Variants in LIPJ observed in about 807,000 individuals in gnomAD.
The protein encoded by LIPJ is lipase member J.
In LIPJ, 33 loss-of-function variants were observed where a neutral mutation model predicts 39.8. The observed-to-expected ratio is 0.83, with a 90% CI of 0.63 to 1.11. The LOEUF (loss-of-function observed/expected upper bound fraction) is 1.11, where lower values mean the gene tolerates loss of function less well. LIPJ is among the 50% of genes least tolerant of loss of function. The pLI is 0.00. For synonymous variants in LIPJ, 128 were observed against 139.2 expected, an observed-to-expected ratio of 0.92 and a Z score of 0.57; for missense variants, 422 against 427.9, an observed-to-expected ratio of 0.99 and a Z score of 0.12.
chr10:88,615,599 G>C, the LIPJ span, among the ~76,000 whole-genome samples: 1 of 121,192 alleles, frequency 8.3e-6, no homozygotes, highest in Non-Finnish European at 1.6e-5. Context: ...CTGCACTCCA[G>C]CTCCAGCAAC....
intron 8 of LIPJ, among the ~76,000 whole-genome samples, chr10:88,599,649 G>GTA (rs1480424959): frequency 1.3e-5 from 2 of 149,922 alleles, no homozygotes; most frequent in African/African-American, 2.5e-5. Flanking sequence ...GTGTATGTAT[G>GTA]TATATATATA....
intron 8 of LIPJ, among the ~76,000 whole-genome samples, chr10:88,599,057 A>C (rs910785211): frequency 2.0e-5 from 3 of 148,552 alleles, no homozygotes; most frequent in Non-Finnish European, 4.5e-5. Flanking sequence ...TAAATACCTG[A>C]GAAGAATGTT....
intron 2 of LIPJ, among the ~76,000 whole-genome samples, chr10:88,590,134 G>A (rs1238845738): frequency 2.0e-5 from 3 of 151,456 alleles, no homozygotes; most frequent in Non-Finnish European, 3.0e-5. Flanking sequence ...AGTAAAATGA[G>A]TTGCTGAATG....
At chr10:88,590,744 C>G in intron 3 of LIPJ, 48 bp downstream of exon 3, 2 of 1,470,836 alleles carry the variant, frequency 1.4e-6, no homozygotes, top group Non-Finnish European at 1.9e-6. Flanking sequence ...ACAGAGAATG[C>G]TACTTTTCAA....
chr10:88,595,140 G>T (rs1851212127), intron 6 of LIPJ, among the ~76,000 whole-genome samples: 1 of 151,654 alleles, frequency 6.6e-6, no homozygotes, highest in African/African-American at 2.4e-5. Context: ...TATTATGAGT[G>T]GAAAAGATGA....
chr10:88,619,454 C>CACACACACACACAT, the LIPJ span, among the ~76,000 whole-genome samples: 1 of 8,892 alleles, frequency 1.1e-4, no homozygotes, highest in Non-Finnish European at 1.5e-4. Context: ...CCCCTCTTGC[C>CACACACACACACAT]ACACACACAC....
chr10:88,606,733 TA>T lies in LIPJ; in HGVS notation c.931del (p.Ser311ValfsTer32). 6.2e-7 allele frequency: 1 copy of T among 1,613,590 alleles called. No individual in the cohort carries two copies. Among genetic ancestry groups the T allele is most frequent in the Middle Eastern group, 1.7e-4 (1 of 6,058 alleles). ...ATGTGGCAACTGCAATTTGGAATGG[TA>T]AAAGTGACTTGTTGGCTGACCCTGA... On this transcript the variant is annotated frameshift_variant, in exon 11 of 11. Transcript: ENST00000371939. LOFTEE classifies it low-confidence loss of function (END_TRUNC).
the LIPJ span, among the ~76,000 whole-genome samples, chr10:88,613,800 A>ATATATATATATATATGTGTGTGTG: frequency 2.7e-5 from 2 of 74,170 alleles, no homozygotes; most frequent in African/African-American, 9.6e-5. Context: ...ATATATATAT[A>ATATATATATATATATGTGTGTGTG]TGTGTGTGTG....
chr10:88,583,645 A>G, upstream of LIPJ: 1 of 988,416 alleles, frequency 1.0e-6, no homozygotes, highest in South Asian at 4.6e-5. Flanking sequence ...TTTACCAGCG[A>G]TACCACGGGC....
At position 88,592,297 on chromosome 10, in the gene LIPJ, A is replaced by C. The variant is rs183999508; in HGVS notation, c.130+799A>C. 2.0e-5 allele frequency: 3 copies of C among 151,988 alleles called. No individual in the cohort carries two copies. In the East Asian group the frequency reaches 5.8e-4, roughly 29 times the overall value. The allele number at this position is 151,988 out of a possible 1,614,324, so 9.4% of individuals were successfully genotyped here. A position where few individuals can be genotyped will look rare whatever the true frequency, so the allele number is the denominator to read the frequency against. On this transcript the variant is annotated intron_variant, in intron 4 of 10. Transcript: ENST00000371939. ...CCAGTAGCAGAAAATCTTAACATAG[A>C]TTTTATATAATAATAGTAATTATCC...
At chr10:88,600,757 C>T (rs1851445405) in intron 8 of LIPJ, among the ~76,000 whole-genome samples, 1 of 151,952 alleles carries the variant, frequency 6.6e-6, no homozygotes, top group South Asian at 2.1e-4. Context: ...ACAGAATACC[C>T]AAGACTGGGT....
chr10:88,616,425 G>A, the LIPJ span, among the ~76,000 whole-genome samples: 2 of 152,230 alleles, frequency 1.3e-5, no homozygotes, highest in African/African-American at 4.8e-5. Context: ...CCATTAGGAA[G>A]CAGGCTCAAA....
the LIPJ span, among the ~76,000 whole-genome samples, chr10:88,622,096 C>A: frequency 6.6e-6 from 1 of 152,130 alleles, no homozygotes; most frequent in Non-Finnish European, 1.5e-5. Flanking sequence ...CTGAGCTCAC[C>A]CTTGGCTGAT....
chr10:88,605,372 C>T (rs1240008798), intron 9 of LIPJ, among the ~76,000 whole-genome samples: 2 of 152,104 alleles, frequency 1.3e-5, no homozygotes, highest in East Asian at 3.9e-4. Flanking sequence ...AAAAGAGGCC[C>T]CCCTCTGGGT....
At chr10:88,603,527 A>G (rs555607761) in intron 9 of LIPJ, among the ~76,000 whole-genome samples, 2 of 152,320 alleles carry the variant, frequency 1.3e-5, no homozygotes, top group South Asian at 4.1e-4. Context: ...ACATAGTAGA[A>G]AGAACACTTT....
intron 4 of LIPJ, 188 bp downstream of exon 4, chr10:88,591,686 A>G (rs1013418336): frequency 1.3e-5 from 5 of 391,832 alleles, no homozygotes; most frequent in Admixed American, 4.4e-5. Context: ...GGTCACAGAG[A>G]GGTTGTGATG....
At chr10:88,619,629 T>C in the LIPJ span, among the ~76,000 whole-genome samples, 1 of 152,190 alleles carries the variant, frequency 6.6e-6, no homozygotes, top group East Asian at 1.9e-4. Flanking sequence ...GGTTTTTTTT[T>C]CTATTTCTGG....
At chr10:88,613,800 A>ATATATATATATGTGTGTGTGTG in the LIPJ span, among the ~76,000 whole-genome samples, 4 of 74,170 alleles carry the variant, frequency 5.4e-5, no homozygotes, top group Admixed American at 1.7e-4. Flanking sequence ...ATATATATAT[A>ATATATATATATGTGTGTGTGTG]TGTGTGTGTG....
chr10:88,616,361 G>A, the LIPJ span, among the ~76,000 whole-genome samples: 2 of 152,302 alleles, frequency 1.3e-5, no homozygotes, highest in East Asian at 3.9e-4. Flanking sequence ...AAAGTCCCTG[G>A]CCTGCGTCAG....
Sources: allele counts gnomAD v4.1 joint callset (sites outside exome capture counted in the v4.1 genomes callset), GRCh38; gene constraint gnomAD v4.1.1; transcripts MANE v1.5; gene names NCBI Gene and HGNC (gene_info 2026-07-23, HGNC 2026-07-21).